Variants in SIK2 observed in about 807,000 individuals in gnomAD.
SIK2 encodes the protein serine/threonine-protein kinase SIK2.
A neutral mutation model predicts 103.2 loss-of-function variants in SIK2; 29 were observed. The ratio of observed to expected loss-of-function variants is 0.28; its 90% CI spans 0.21 to 0.38. The LOEUF (loss-of-function observed/expected upper bound fraction) is 0.38. SIK2 is among the 10% of genes least tolerant of loss of function. The pLI is 1.00. For missense variants in SIK2, 879 were observed against 1,171.0 expected (o/e 0.75, Z 3.64); for synonymous variants, 412 against 446.1 (o/e 0.92, Z 0.96).
At chr11:111,611,680 T>C (rs1167826097) in intron 1 of SIK2, among the ~76,000 whole-genome samples, 5 of 152,156 alleles carry the variant, frequency 3.3e-5, no homozygotes, top group Non-Finnish European at 7.4e-5. Context: ...TTTTCTGTCA[T>C]ATAAATTTAT....
At chr11:111,622,465 A>G (rs965341447) in intron 3 of SIK2, among the ~76,000 whole-genome samples, 2 of 151,806 alleles carry the variant, frequency 1.3e-5, no homozygotes, top group Non-Finnish European at 2.9e-5. Context: ...CGTGTTAGCC[A>G]GGATGGTCTC....
chr11:111,703,731 A>G (rs1377599616), intron 7 of SIK2, among the ~76,000 whole-genome samples: 1 of 152,218 alleles, frequency 6.6e-6, no homozygotes, highest in African/African-American at 2.4e-5. Flanking sequence ...GAAGTTTTAC[A>G]TAGGTATTTA....
At chr11:111,708,238 C>T (rs1196623188) in intron 8 of SIK2, among the ~76,000 whole-genome samples, 4 of 151,884 alleles carry the variant, frequency 2.6e-5, no homozygotes, top group East Asian at 1.9e-4. Context: ...AAAAATTAGC[C>T]GGTTATGGTA....
intron 2 of SIK2, among the ~76,000 whole-genome samples, chr11:111,617,547 A>G (rs1341985893): frequency 1.3e-5 from 2 of 152,166 alleles, no homozygotes; most frequent in Non-Finnish European, 2.9e-5. Context: ...TAGTAGCTCA[A>G]AATCTGCATT....
intron 1 of SIK2, among the ~76,000 whole-genome samples, chr11:111,606,304 T>C (rs986854413): frequency 1.6e-4 from 25 of 152,136 alleles, no homozygotes; most frequent in African/African-American, 4.3e-4. Flanking sequence ...AAGTAGTCTC[T>C]TATTATAATA....
rs1406295329 is a variant in SIK2 at position 111,701,923 on chromosome 11, A to T, written c.727+348A>T. 2.0e-5 allele frequency among the ~76,000 whole-genome samples: 3 copies of T among 152,162 alleles called. No individual in the cohort carries two copies. Among genetic ancestry groups the T allele is most frequent in the Non-Finnish European group, 2.9e-5 (2 of 68,018 alleles). Reference sequence around the variant, plus strand: ...ATGAAATGAACTTTATAAAATTAAAATTTTTTTAATTAAATAAAAAGCCAA... The same window carrying T: ...ATGAAATGAACTTTATAAAATTAAATTTTTTTTAATTAAATAAAAAGCCAA... On this transcript the variant is annotated intron_variant, in intron 6 of 14. Transcript: ENST00000304987. This position sits in a 1 kb window ranked among gnomAD's most constrained non-coding sequence, Gnocchi z 4.2.
intron 3 of SIK2, among the ~76,000 whole-genome samples, chr11:111,666,135 G>A (rs75427698): frequency 3.3e-5 from 5 of 152,284 alleles, no homozygotes; most frequent in African/African-American, 9.6e-5. Flanking sequence ...CTACCTCCCC[G>A]CAACCTCAAG....
Position 111,728,284 on chromosome 11 carries a change from T to TTTA in SIK2, c.*4158_*4160dup, listed in dbSNP as rs2135994378. ...TTTGATCATTTTGTTGCTTCTGGAA[T>TTTA]TTATTTAATTTTTTTTTTTTTTGAG... On this transcript the variant is annotated 3_prime_UTR_variant, in exon 15 of 15. Coordinates refer to ENST00000304987, the MANE Select transcript of SIK2 (RefSeq NM_015191.3). 1 of 78,364 alleles carries TTTA rather than the reference T, an allele frequency of 1.3e-5. No individual in the cohort carries two copies. Among genetic ancestry groups the TTTA allele is most frequent in the African/African-American group, 4.5e-5 (1 of 22,342 alleles). The allele number at this position is 78,364 out of a possible 1,614,324, so 4.9% of individuals were successfully genotyped here.
intron 3 of SIK2, chr11:111,672,041 G>T: frequency 1.9e-6 from 1 of 515,248 alleles, no homozygotes. Flanking sequence ...GCCTTGTTCT[G>T]CTGCTCCAGG....
At chr11:111,718,344 A>G (rs1943706491) in intron 9 of SIK2, among the ~76,000 whole-genome samples, 1 of 152,200 alleles carries the variant, frequency 6.6e-6, no homozygotes, top group Non-Finnish European at 1.5e-5. Context: ...CAAAAAGGAA[A>G]GTTTATCTGG....
At chr11:111,630,053 G>A (rs1330635048) in intron 3 of SIK2, among the ~76,000 whole-genome samples, 3 of 152,078 alleles carry the variant, frequency 2.0e-5, no homozygotes, top group African/African-American at 7.2e-5. Context: ...TCACAGTCAC[G>A]CAAAGTCGGA....
rs139967889 is a variant in SIK2 at position 111,701,620 on chromosome 11, G to A, written c.727+45G>A. The A allele has an allele frequency of 8.8e-6, 14 of 1,591,008 alleles. No individual in the cohort carries two copies. In the South Asian group the frequency reaches 1.5e-4, roughly 17 times the overall value. The stretch of plus-strand genomic sequence containing the variant: ...ATTAATGGTGTTTTACAGTGTTAGT[G>A]CTCCAAGTGAAATGCCTAGGTAAAA... On this transcript the variant is annotated intron_variant, in intron 6 of 14. Transcript: ENST00000304987. The surrounding 1 kb of genome is among the most constrained non-coding windows in gnomAD (Gnocchi z 4.2).
Position 111,688,172 on chromosome 11 carries a change from A to G in SIK2, c.478+10A>G, listed in dbSNP as rs1179723471. The stretch of plus-strand genomic sequence containing the variant: ...AATATCAAAATAGCAGGTAACTGGG[A>G]CACAACTGGCTCTAATAAGATCCGA... On this transcript the variant is annotated intron_variant, in intron 4 of 14. Transcript: ENST00000304987. This position sits in a 1 kb window ranked among gnomAD's most constrained non-coding sequence, Gnocchi z 4.2. 6.2e-7 allele frequency: 1 copy of G among 1,614,030 alleles called. No homozygotes were observed. The highest frequency in any genetic ancestry group is 8.5e-7 in the Non-Finnish European group (1 of 1,179,970).
intron 3 of SIK2, among the ~76,000 whole-genome samples, chr11:111,625,913 A>G (rs2135844635): frequency 6.6e-6 from 1 of 152,370 alleles, no homozygotes; most frequent in Admixed American, 6.5e-5. Flanking sequence ...CAAGTAAAGT[A>G]GAAATAGCTG....
At chr11:111,695,940 A>G (rs1271186197) in intron 4 of SIK2, among the ~76,000 whole-genome samples, 3 of 152,208 alleles carry the variant, frequency 2.0e-5, no homozygotes, top group Non-Finnish European at 2.9e-5. Flanking sequence ...TGTTAGGACC[A>G]TATAGGTCAG....
Position 111,616,301 on chromosome 11 carries a change from A to C in SIK2, c.194A>C (p.Tyr65Ser), listed in dbSNP as rs1294429052. Residue 65 changes from tyrosine (Y) to serine (S), a missense_variant, in exon 2 of 15, where the codon TAC (tyrosine) becomes TCC (serine). Physicochemically the swap from Tyr to Ser is moderately radical, Grantham distance 144. Coordinates refer to ENST00000304987, the MANE Select transcript of SIK2 (RefSeq NM_015191.3). ...GATGCAGTGAACCTTGAGAAAATCT[A>C]CCGAGAAGTACAAATAATGAAAATG... The part of the protein sequence containing the change: ...QLDAVNLEKI[Y>S]REVQIMKMLD... The C allele has an allele frequency of 6.2e-7, 1 of 1,613,872 alleles. No homozygotes were observed. The highest frequency in any genetic ancestry group is 1.1e-5 in the South Asian group (1 of 91,062).
At chr11:111,606,139 A>G (rs919053081) in intron 1 of SIK2, among the ~76,000 whole-genome samples, 1 of 152,202 alleles carries the variant, frequency 6.6e-6, no homozygotes, top group Admixed American at 6.5e-5. Context: ...ATTAGGAAAT[A>G]ACTTTTTCCT....
intron 3 of SIK2, among the ~76,000 whole-genome samples, chr11:111,637,994 C>T (rs978805230): frequency 2.6e-5 from 4 of 152,152 alleles, no homozygotes; most frequent in East Asian, 1.9e-4. Context: ...GAGCAGGGAA[C>T]CAAGAAGCTA....
In SIK2 at chr11:111,705,029, T is replaced by G; in HGVS notation, c.991T>G (p.Phe331Val). Residue 331 changes from phenylalanine to valine, a missense_variant, in exon 8 of 15, where the codon TTC (phenylalanine) becomes GTC (valine). By Grantham distance (50) the Phe-to-Val change is conservative (BLOSUM62 -1). Around this residue, in one of 7 missense-constraint regions of SIK2, gnomAD observed 99 missense variants for 153.9 expected, o/e 0.64. Transcript: ENST00000304987. The surrounding 1 kb of genome is among the most constrained non-coding windows in gnomAD (Gnocchi z 4.3). ...CTATAACCACTTTGCTGCCATTTAT[T>G]TCTTGTTGGTGGAGCGCCTGAAATC... ...KSYNHFAAIYFLLVERLKSHR... is the reference protein window; with the variant it reads ...KSYNHFAAIYVLLVERLKSHR... 4 of 1,609,352 alleles carry G rather than the reference T, an allele frequency of 2.5e-6. No individual in the cohort carries two copies. The highest frequency in any genetic ancestry group is 2.5e-6 in the Non-Finnish European group (3 of 1,178,668).
Sources: allele counts gnomAD v4.1 joint callset (sites outside exome capture counted in the v4.1 genomes callset), GRCh38; gene constraint gnomAD v4.1.1; regional missense constraint gnomAD v4.1.1; non-coding constraint Gnocchi (gnomAD v3.1); transcripts MANE v1.5; gene names NCBI Gene and HGNC (gene_info 2026-07-23, HGNC 2026-07-21).